CFAP61: variants seen among roughly 807,000 people sequenced by gnomAD.
CFAP61 encodes cilia- and flagella-associated protein 61.
In CFAP61, 107 loss-of-function variants were observed where a neutral mutation model predicts 135.6. The ratio of observed to expected loss-of-function variants is 0.79; its 90% CI spans 0.67 to 0.93. The LOEUF (loss-of-function observed/expected upper bound fraction) is 0.93, where lower values mean the gene tolerates loss of function less well. Among genes scored for constraint, CFAP61 ranks in the 40% least tolerant of loss-of-function variants. The probability of loss-of-function intolerance (pLI) is 0.00; values close to 1 mark genes in which losing one functional copy is unlikely to be tolerated. For synonymous variants in CFAP61, 575 were observed against 578.5 expected, an observed-to-expected ratio of 0.99 and a Z score of 0.09; for missense variants, 1,507 against 1,556.2, an observed-to-expected ratio of 0.97 and a Z score of 0.53.
At chr20:20,322,927 T>A in intron 25 of CFAP61, 1 of 985,466 alleles carries the variant, frequency 1.0e-6, no homozygotes, top group Non-Finnish European at 1.2e-6. Context: ...GCTTATTTAT[T>A]GAATTAGACT....
intron 6 of CFAP61, among the ~76,000 whole-genome samples, chr20:20,089,868 C>T (rs904253222): frequency 3.9e-5 from 6 of 152,216 alleles, no homozygotes; most frequent in Non-Finnish European, 7.3e-5. Flanking sequence ...ACTTCACCAG[C>T]CTTCCCCTCC....
intron 14 of CFAP61, among the ~76,000 whole-genome samples, chr20:20,188,622 C>A (rs1417554444): frequency 6.6e-6 from 1 of 152,172 alleles, no homozygotes; most frequent in Non-Finnish European, 1.5e-5. Flanking sequence ...AAAAGTCAGG[C>A]TTGTGGCAGT....
intron 17 of CFAP61, among the ~76,000 whole-genome samples, chr20:20,213,079 A>G (rs1277582122): frequency 6.6e-6 from 1 of 152,120 alleles, no homozygotes; most frequent in Non-Finnish European, 1.5e-5. Flanking sequence ...CATAGAACAC[A>G]GAGGTGGCAT....
intron 24 of CFAP61, among the ~76,000 whole-genome samples, chr20:20,296,297 CCCTTCCTTCCTT>C (rs768872433): frequency 1.2e-5 from 1 of 81,260 alleles, no homozygotes. Flanking sequence ...TTCCCTCCTT[CCCTTCCTTCCTT>C]CCTTCCCTCC....
rs187978019 is a variant in CFAP61 at position 20,220,493 on chromosome 20, G to A, written c.1933-7756G>A. ...AGCCAGCCGGTCAGAAGTACAGGTG[G>A]CAACATGGACTTGCGATTGGCATGT... On this transcript the variant is annotated intron_variant, in intron 17 of 26. Coordinates refer to ENST00000245957, the MANE Select transcript of CFAP61 (RefSeq NM_015585.4). 2.6e-5 allele frequency among the ~76,000 whole-genome samples: 4 copies of A among 152,178 alleles called. No individual in the cohort carries two copies. The East Asian group carries it at 7.7e-4, about 29-fold the overall frequency.
intron 2 of CFAP61, among the ~76,000 whole-genome samples, chr20:20,065,023 C>T (rs1181423248): frequency 3.3e-5 from 5 of 152,046 alleles, no homozygotes; most frequent in East Asian, 1.9e-4. Flanking sequence ...CAGAAACAGA[C>T]GCATACTATA....
intron 6 of CFAP61, among the ~76,000 whole-genome samples, chr20:20,088,849 T>TA (rs1474404028): frequency 7.2e-5 from 11 of 152,214 alleles, no homozygotes; most frequent in Non-Finnish European, 1.5e-4. Context: ...TCAAGATACT[T>TA]ACTGTTTTTA....
At chr20:20,295,840 A>T (rs1255625840) in intron 24 of CFAP61, among the ~76,000 whole-genome samples, 3 of 150,990 alleles carry the variant, frequency 2.0e-5, no homozygotes, top group Non-Finnish European at 2.9e-5. Context: ...CCCATGTGGC[A>T]TCCAGGCCTA....
intron 24 of CFAP61, among the ~76,000 whole-genome samples, chr20:20,292,489 C>T (rs1206846594): frequency 6.6e-6 from 1 of 152,202 alleles, no homozygotes; most frequent in Non-Finnish European, 1.5e-5. Context: ...TTTGATCCTG[C>T]TTACAGATCC....
At chr20:20,205,215 C>T (rs1601392284) in intron 17 of CFAP61, among the ~76,000 whole-genome samples, 1 of 152,198 alleles carries the variant, frequency 6.6e-6, no homozygotes, top group East Asian at 1.9e-4. Flanking sequence ...ACTACTGTTG[C>T]ATTACTGTTA....
chr20:20,172,216 C>T (rs895156716), intron 13 of CFAP61: 7 of 968,944 alleles, frequency 7.2e-6, no homozygotes, highest in Non-Finnish European at 8.6e-6. Context: ...TTTCAGTAAC[C>T]TTATATGCCT....
chr20:20,318,312 C>G (rs1350017144), intron 25 of CFAP61, among the ~76,000 whole-genome samples: 2 of 152,194 alleles, frequency 1.3e-5, no homozygotes, highest in African/African-American at 4.8e-5. Context: ...AGCAGAGAAG[C>G]ATTTTTAATT....
chr20:20,217,930 CAG>C (rs1264058750), intron 17 of CFAP61, among the ~76,000 whole-genome samples: 1 of 152,220 alleles, frequency 6.6e-6, no homozygotes, highest in Non-Finnish European at 1.5e-5. Flanking sequence ...ACCTATGGGT[CAG>C]TGGGTGTGTC....
At chr20:20,333,784 G>A (rs929598699) in intron 25 of CFAP61, among the ~76,000 whole-genome samples, 5 of 152,122 alleles carry the variant, frequency 3.3e-5, no homozygotes, top group East Asian at 1.9e-4. Context: ...TTCTGGTCCC[G>A]TCCAGAGCAA....
intron 6 of CFAP61, among the ~76,000 whole-genome samples, chr20:20,083,192 C>T (rs148471301): frequency 1.3e-5 from 2 of 152,088 alleles, no homozygotes; most frequent in African/African-American, 2.4e-5. Context: ...TCTTTTGTTG[C>T]ACCTTGGATG....
intron 25 of CFAP61, among the ~76,000 whole-genome samples, chr20:20,300,847 C>A (rs1385039865): frequency 1.3e-5 from 2 of 152,012 alleles, no homozygotes; most frequent in Non-Finnish European, 2.9e-5. Context: ...CTCAGGTGAT[C>A]CACCCGCCTC....
intron 18 of CFAP61, among the ~76,000 whole-genome samples, chr20:20,244,216 A>T (rs2146971392): frequency 6.6e-6 from 1 of 152,106 alleles, no homozygotes. Context: ...CTCTTCTCAC[A>T]GCTCCACTAG....
chr20:20,354,824 G>A (rs2058989361), intron 26 of CFAP61, among the ~76,000 whole-genome samples: 1 of 150,982 alleles, frequency 6.6e-6, no homozygotes, highest in African/African-American at 2.4e-5. Flanking sequence ...GTCACACTGT[G>A]AGAGAAAAAG....
At chr20:20,272,127 G>A (rs2053404412) in intron 21 of CFAP61, among the ~76,000 whole-genome samples, 3 of 152,152 alleles carry the variant, frequency 2.0e-5, no homozygotes, top group Admixed American at 2.0e-4. Context: ...TTAATTAACT[G>A]AAGTTTTCCG....
Sources: gnomAD v4.1 joint callset for allele counts (sites outside exome capture counted in the v4.1 genomes callset) on GRCh38, gnomAD v4.1.1 for gene constraint, MANE v1.5 for transcripts, NCBI Gene and HGNC (gene_info 2026-07-23, HGNC 2026-07-21) for gene names.